KAZN: variants seen among roughly 807,000 people sequenced by gnomAD.
The protein encoded by KAZN is kazrin, periplakin interacting protein, also known as kazrin.
In KAZN, 40 loss-of-function variants were observed where a neutral mutation model predicts 87.4. The ratio of observed to expected loss-of-function variants is 0.46; its 90% confidence interval spans 0.36 to 0.60. The LOEUF (loss-of-function observed/expected upper bound fraction) is 0.60, where lower values mean the gene tolerates loss of function less well. Among genes scored for constraint, KAZN ranks in the 20% least tolerant of loss-of-function variants. KAZN has a pLI of 0.00. For synonymous variants in KAZN, 466 were observed against 458.3 expected, an observed-to-expected ratio of 1.02 and a Z score of -0.22; for missense variants, 898 against 1,073.9, an observed-to-expected ratio of 0.84 and a Z score of 2.29.
At chr1:14,403,810 C>T (rs918050674) in intron 2 of KAZN, among the ~76,000 whole-genome samples, 1 of 152,124 alleles carries the variant, frequency 6.6e-6, no homozygotes, top group Non-Finnish European at 1.5e-5. Context: ...GAAGTGGCAT[C>T]ATTTTTCTGG....
intron 1 of KAZN, among the ~76,000 whole-genome samples, chr1:13,982,203 T>A (rs1011519470): frequency 6.6e-6 from 1 of 152,190 alleles, no homozygotes; most frequent in Non-Finnish European, 1.5e-5. Flanking sequence ...TTTTCCCTTC[T>A]CAGCAAGAGT....
intron 2 of KAZN, among the ~76,000 whole-genome samples, chr1:14,389,671 T>TA (rs1662252241): frequency 6.6e-6 from 1 of 151,904 alleles, no homozygotes; most frequent in Non-Finnish European, 1.5e-5. Flanking sequence ...CTCATGGAGA[T>TA]AGAGAGTAGA....
At chr1:14,199,407 T>C (rs1480865799) in intron 2 of KAZN, among the ~76,000 whole-genome samples, 1 of 152,216 alleles carries the variant, frequency 6.6e-6, no homozygotes, top group Non-Finnish European at 1.5e-5. Context: ...GGTCTCAGTT[T>C]AAATGTCACC....
At chr1:15,025,084 T>A (rs1308349468) in intron 2 of KAZN, among the ~76,000 whole-genome samples, 1 of 152,184 alleles carries the variant, frequency 6.6e-6, no homozygotes, top group Non-Finnish European at 1.5e-5. Context: ...TCCTGAGCAC[T>A]TACTATGTGC....
At chr1:14,535,818 A>C (rs1401930358) in intron 2 of KAZN, among the ~76,000 whole-genome samples, 1 of 152,182 alleles carries the variant, frequency 6.6e-6, no homozygotes, top group East Asian at 1.9e-4. Flanking sequence ...TGTCTATCAC[A>C]ATGTCAACAG....
intron 2 of KAZN, among the ~76,000 whole-genome samples, chr1:15,017,003 A>ATCTG (rs1670181822): frequency 6.7e-6 from 1 of 149,814 alleles, no homozygotes; most frequent in Non-Finnish European, 1.5e-5. Flanking sequence ...GGGAATAAAG[A>ATCTG]CCTTATCTGT....
Position 15,066,016 on chromosome 1 carries a change from G to A in KAZN, c.1222+263G>A, listed in dbSNP as rs919930109. On this transcript the variant is annotated intron_variant, in intron 8 of 14. Coordinates refer to ENST00000376030, the MANE Select transcript of KAZN (RefSeq NM_201628.3). The surrounding 1 kb of genome is among the most constrained non-coding windows in gnomAD (Gnocchi z 4.3). Reference sequence around the variant, plus strand: ...CACCTCTGTAATTGATGTACATACCGCAAACCGTGTGTGAACCTGTCAACT... The same window carrying A: ...CACCTCTGTAATTGATGTACATACCACAAACCGTGTGTGAACCTGTCAACT... The A allele has an allele frequency of 7.8e-6, 10 of 1,285,958 alleles. No individual in the cohort carries two copies. In the South Asian group the frequency reaches 1.0e-4, roughly 13 times the overall value. 79.7% of individuals were successfully genotyped at this position (1,285,958 alleles called of 1,614,324 possible). A position where few individuals can be genotyped will look rare whatever the true frequency, so the allele number is the denominator to read the frequency against.
chr1:14,992,536 C>T (rs991295186), intron 2 of KAZN, among the ~76,000 whole-genome samples: 18 of 152,348 alleles, frequency 1.2e-4, no homozygotes, highest in African/African-American at 3.1e-4. Flanking sequence ...TGTTGGCCAC[C>T]GCTGTGAGCT....
rs143083792 is a variant in KAZN at position 15,112,518 on chromosome 1, G to T, written c.2140G>T (p.Gly714Cys). 493 of 1,604,986 alleles carry T rather than the reference G, an allele frequency of 3.1e-4. No individual in the cohort carries two copies. The highest frequency in any genetic ancestry group is 4.0e-4 in the Non-Finnish European group (471 of 1,176,590). ...TRAGKEENSS[G>C]LKYKAGRLPL... ...GGCAGGAAAGGAGGAGAACAGCAGC[G>T]GTCTCAAGTACAAGGCTGGCCGGGT... Residue 714 changes from glycine (G) to cysteine (C), a missense_variant, in exon 14 of 15, where the codon GGT becomes TGT. Physicochemically the swap from Gly to Cys is radical, Grantham distance 159. This residue lies in a region of KAZN where 127 missense variants were observed against 121.5 expected (regional missense o/e 1.04). Coordinates refer to ENST00000376030, the MANE Select transcript of KAZN (RefSeq NM_201628.3).
intron 2 of KAZN, among the ~76,000 whole-genome samples, chr1:14,964,300 G>C (rs1194194274): frequency 6.6e-6 from 1 of 152,154 alleles, no homozygotes; most frequent in Non-Finnish European, 1.5e-5. Flanking sequence ...TACTTCATAG[G>C]ATTGTTGTGA....
intron 2 of KAZN, among the ~76,000 whole-genome samples, chr1:14,496,446 G>A (rs1490671613): frequency 6.6e-6 from 1 of 152,162 alleles, no homozygotes; most frequent in African/African-American, 2.4e-5. Context: ...CACAGTGTTA[G>A]GGGGCTAGAG....
At chr1:14,550,737 CT>C (rs1484571508) in intron 2 of KAZN, among the ~76,000 whole-genome samples, 1,424 of 68,588 alleles carry the variant, frequency 0.021, 10 homozygotes, top group African/African-American at 0.055. Context: ...CTCTCTCTCT[CT>C]CCCCCACCCC....
chr1:13,909,306 T>G (rs957687111), intron 1 of KAZN, among the ~76,000 whole-genome samples: 2 of 152,200 alleles, frequency 1.3e-5, no homozygotes, highest in African/African-American at 4.8e-5. Context: ...GTGTGAGTCT[T>G]TCTCCTTCCT....
chr1:14,263,819 C>T (rs1651265530), intron 2 of KAZN, among the ~76,000 whole-genome samples: 1 of 152,182 alleles, frequency 6.6e-6, no homozygotes, highest in Non-Finnish European at 1.5e-5. Context: ...CATGCTGCCT[C>T]TTAGAGACCT....
chr1:14,660,528 T>C (rs528544702), intron 1 of KAZN, among the ~76,000 whole-genome samples: 1 of 117,418 alleles, frequency 8.5e-6, no homozygotes, highest in South Asian at 3.1e-4. Flanking sequence ...TCTCCAAGTT[T>C]CTCTCTCTCT....
intron 1 of KAZN, among the ~76,000 whole-genome samples, chr1:14,898,461 G>A (rs760609672): frequency 1.3e-5 from 2 of 152,172 alleles, no homozygotes; most frequent in African/African-American, 2.4e-5. Context: ...TGGTGTCTAC[G>A]TCTGGTCAGC....
intron 1 of KAZN, among the ~76,000 whole-genome samples, chr1:13,901,429 G>A (rs1405223513): frequency 6.6e-6 from 1 of 152,164 alleles, no homozygotes; most frequent in Non-Finnish European, 1.5e-5. Context: ...TGAAACAAGG[G>A]GCCGGACAGG....
chr1:14,274,535 G>GCCTA (rs1419094628), intron 2 of KAZN, among the ~76,000 whole-genome samples: 1 of 152,158 alleles, frequency 6.6e-6, no homozygotes, highest in African/African-American at 2.4e-5. Flanking sequence ...CCTGTACAAA[G>GCCTA]CCTAATAGAA....
chr1:14,013,076 G>T (rs1048154940), intron 1 of KAZN, among the ~76,000 whole-genome samples: 2 of 152,112 alleles, frequency 1.3e-5, no homozygotes, highest in African/African-American at 4.8e-5. Flanking sequence ...GTTTAAAGAT[G>T]GTGACAACAT....
Sources: allele counts gnomAD v4.1 joint callset (sites outside exome capture counted in the v4.1 genomes callset), GRCh38; gene constraint gnomAD v4.1.1; regional missense constraint gnomAD v4.1.1; non-coding constraint Gnocchi (gnomAD v3.1); transcripts MANE v1.5; gene names NCBI Gene and HGNC (gene_info 2026-07-23, HGNC 2026-07-21).